Variants in GRM5 observed in about 807,000 individuals in gnomAD.
GRM5 encodes metabotropic glutamate receptor 5.
GRM5 carries 19 observed loss-of-function variants against 83.1 expected under a neutral mutation model. That is an observed-to-expected ratio of 0.23 (90% CI 0.16 to 0.34). The LOEUF is 0.34. GRM5 is among the 10% of genes least tolerant of loss of function. The pLI, the probability that GRM5 is intolerant of heterozygous loss-of-function variation, is 1.00. For missense variants in GRM5, 1,160 were observed against 1,588.3 expected, an observed-to-expected ratio of 0.73 and a Z score of 4.58; for synonymous variants, 675 against 633.6, an observed-to-expected ratio of 1.07 and a Z score of -0.98.
At chr11:88,768,197 C>T (rs1263973578) in intron 3 of GRM5, among the ~76,000 whole-genome samples, 1 of 151,870 alleles carries the variant, frequency 6.6e-6, no homozygotes, top group African/African-American at 2.4e-5. Flanking sequence ...ACCCCAGTGC[C>T]CACTGATGGA....
At chr11:88,671,259 A>G (rs1042928342) in intron 3 of GRM5, among the ~76,000 whole-genome samples, 6 of 152,016 alleles carry the variant, frequency 3.9e-5, no homozygotes, top group South Asian at 2.1e-4. Flanking sequence ...TCTCCCAGAC[A>G]GATTCCAACT....
chr11:88,716,745 G>C (rs1334701362), intron 3 of GRM5, among the ~76,000 whole-genome samples: 1 of 151,920 alleles, frequency 6.6e-6, no homozygotes, highest in Admixed American at 6.6e-5. Flanking sequence ...CTGAGACTCA[G>C]TTATATTTAA....
intron 2 of GRM5, among the ~76,000 whole-genome samples, chr11:88,979,434 T>A (rs1939451460): frequency 6.6e-6 from 1 of 152,176 alleles, no homozygotes; most frequent in African/African-American, 2.4e-5. Context: ...AAGTGACAAA[T>A]GTTCTGTGAG....
intron 3 of GRM5, among the ~76,000 whole-genome samples, chr11:88,659,697 C>G (rs553235524): frequency 6.6e-6 from 1 of 152,096 alleles, no homozygotes; most frequent in Non-Finnish European, 1.5e-5. Flanking sequence ...CAGAATATCA[C>G]AATCTATTTT....
At chr11:88,941,800 G>C (rs1938123615) in intron 2 of GRM5, among the ~76,000 whole-genome samples, 1 of 151,912 alleles carries the variant, frequency 6.6e-6, no homozygotes, top group African/African-American at 2.4e-5. Context: ...CTACTGATGC[G>C]ATGATGTGGG....
At chr11:88,980,393 G>A (rs1329507103) in intron 2 of GRM5, among the ~76,000 whole-genome samples, 3 of 152,142 alleles carry the variant, frequency 2.0e-5, no homozygotes, top group East Asian at 1.9e-4. Flanking sequence ...AACTATTGAT[G>A]TCCTCAACCT....
At chr11:88,920,171 G>A (rs1300134881) in intron 2 of GRM5, among the ~76,000 whole-genome samples, 1 of 151,810 alleles carries the variant, frequency 6.6e-6, no homozygotes, top group Non-Finnish European at 1.5e-5. Flanking sequence ...AAACAAAAGA[G>A]AGAAGATCAA....
intron 3 of GRM5, among the ~76,000 whole-genome samples, chr11:88,667,782 A>G (rs926788178): frequency 6.6e-5 from 10 of 152,086 alleles, no homozygotes; most frequent in African/African-American, 2.2e-4. Flanking sequence ...AGTCCCAGCT[A>G]CTTGGGAGGC....
chr11:89,061,218 A>G (rs1049643333), intron 1 of GRM5, among the ~76,000 whole-genome samples: 1 of 152,190 alleles, frequency 6.6e-6, no homozygotes. Flanking sequence ...AAGAATGTGT[A>G]AGATAAAACA....
chr11:88,662,958 C>T (rs1238175192), intron 3 of GRM5, among the ~76,000 whole-genome samples: 1 of 152,204 alleles, frequency 6.6e-6, no homozygotes. Flanking sequence ...GAGCAGAGAA[C>T]CCAGTTGCCA....
chr11:88,804,602 G>C (rs1373212171), intron 3 of GRM5, among the ~76,000 whole-genome samples: 3 of 151,830 alleles, frequency 2.0e-5, no homozygotes, highest in African/African-American at 7.3e-5. Context: ...CGAGTTAATG[G>C]GTGCAGCACA....
chr11:88,892,482 C>A (rs1427909139), intron 2 of GRM5, among the ~76,000 whole-genome samples: 4 of 151,984 alleles, frequency 2.6e-5, no homozygotes, highest in Admixed American at 2.6e-4. Context: ...CCTTATGGAA[C>A]AGAGTTCCAT....
At chr11:88,789,516 G>A (rs181743224) in intron 3 of GRM5, among the ~76,000 whole-genome samples, 2 of 152,144 alleles carry the variant, frequency 1.3e-5, no homozygotes, top group East Asian at 3.9e-4. Flanking sequence ...CAAGTACACT[G>A]TATTTAGCCA....
intron 8 of GRM5, among the ~76,000 whole-genome samples, chr11:88,541,131 T>C (rs926318808): frequency 3.3e-5 from 5 of 152,182 alleles, no homozygotes; most frequent in African/African-American, 1.2e-4. Flanking sequence ...TATGTTTAAT[T>C]ATAATCACAC....
chr11:88,940,818 A>T (rs1490763683), intron 2 of GRM5, among the ~76,000 whole-genome samples: 4 of 152,056 alleles, frequency 2.6e-5, no homozygotes, highest in Non-Finnish European at 4.4e-5. Flanking sequence ...ATTTTGATAA[A>T]TAAGAATATT....
At chr11:88,553,221 C>A (rs1418946183) in intron 8 of GRM5, among the ~76,000 whole-genome samples, 1 of 152,116 alleles carries the variant, frequency 6.6e-6, no homozygotes, top group Non-Finnish European at 1.5e-5. Flanking sequence ...GCTTGCTAGT[C>A]CATTTGGGCT....
At chr11:89,052,149 C>G (rs553497014) in intron 1 of GRM5, among the ~76,000 whole-genome samples, 10 of 152,150 alleles carry the variant, frequency 6.6e-5, no homozygotes, top group African/African-American at 2.4e-4. Context: ...ATTTGAGATG[C>G]CTTGGAGATA....
chr11:88,576,387 AGAG>A (rs1428413910), intron 7 of GRM5, among the ~76,000 whole-genome samples: 3 of 152,150 alleles, frequency 2.0e-5, no homozygotes, highest in Non-Finnish European at 2.9e-5. Context: ...TAGCAATTTG[AGAG>A]GAGGAGACTG....
At position 88,973,170 on chromosome 11, in the gene GRM5, A is replaced by G. The variant is rs535389973; in HGVS notation, c.661+74042T>C. The stretch of plus-strand genomic sequence containing the variant: ...AGTGGGGTCTGTGGACCAGAAAATA[A>G]TATTGCATCAATACTTATTTCCTGA... On this transcript the variant is annotated intron_variant, in intron 2 of 9. Transcript: ENST00000305447. Among the ~76,000 whole-genome samples, 108 of 152,272 alleles carry G rather than the reference A, an allele frequency of 7.1e-4. 1 individual carries two copies. The highest frequency in any genetic ancestry group is 4.3e-3 in the Admixed American group (66 of 15,270).
Sources: gnomAD v4.1 joint callset for allele counts (sites outside exome capture counted in the v4.1 genomes callset) on GRCh38, gnomAD v4.1.1 for gene constraint, MANE v1.5 for transcripts, NCBI Gene and HGNC (gene_info 2026-07-23, HGNC 2026-07-21) for gene names.